The following ELF1 variants were observed in gnomAD, a reference collection of about 807,000 sequenced individuals.
The protein encoded by ELF1 is E74 like ETS transcription factor 1.
ELF1 carries 24 observed loss-of-function variants against 59.9 expected under a neutral mutation model. That is an observed-to-expected ratio of 0.40 (90% confidence interval 0.29 to 0.56). ELF1 has a LOEUF of 0.56. Among genes scored for constraint, ELF1 ranks in the 20% least tolerant of loss-of-function variants. The probability of loss-of-function intolerance (pLI) is 0.44; values close to 1 mark genes in which losing one functional copy is unlikely to be tolerated. For missense variants in ELF1, 627 were observed against 742.2 expected (o/e 0.84, Z 1.80); for synonymous variants, 248 against 266.2 (o/e 0.93, Z 0.67).
At chr13:40,973,237 T>C (rs1396058013) in intron 2 of ELF1, among the ~76,000 whole-genome samples, 1 of 152,208 alleles carries the variant, frequency 6.6e-6, no homozygotes, top group Non-Finnish European at 1.5e-5. Flanking sequence ...TTCAGTACTT[T>C]CAACATCACA....
chr13:41,010,613 G>C (rs1346491031), intron 1 of ELF1, among the ~76,000 whole-genome samples: 1 of 151,766 alleles, frequency 6.6e-6, no homozygotes, highest in African/African-American at 2.4e-5. Flanking sequence ...TTTAAATGGA[G>C]GTTAATTAGT....
At chr13:41,000,687 G>A (rs1342893606) in intron 1 of ELF1, among the ~76,000 whole-genome samples, 1 of 151,882 alleles carries the variant, frequency 6.6e-6, no homozygotes, top group African/African-American at 2.4e-5. Context: ...TCACAATAAG[G>A]TTTATTTATA....
intron 1 of ELF1, chr13:40,992,796 A>G (rs1187488354): frequency 3.4e-5 from 14 of 410,474 alleles, no homozygotes; most frequent in Non-Finnish European, 6.2e-5. Flanking sequence ...GCTGGAGAGA[A>G]CTATACATGT....
At chr13:41,007,818 A>G (rs1874838220) in intron 1 of ELF1, among the ~76,000 whole-genome samples, 1 of 152,210 alleles carries the variant, frequency 6.6e-6, no homozygotes, top group Non-Finnish European at 1.5e-5. Flanking sequence ...TAATCCTCAG[A>G]CCCACAAAGG....
chr13:40,994,730 T>G (rs1874045271), intron 1 of ELF1, among the ~76,000 whole-genome samples: 1 of 152,212 alleles, frequency 6.6e-6, no homozygotes, highest in Non-Finnish European at 1.5e-5. Context: ...ATAAACATGC[T>G]AAAACGTCTT....
chr13:41,047,504 C>A (rs938448157), intron 1 of ELF1, among the ~76,000 whole-genome samples: 1 of 152,196 alleles, frequency 6.6e-6, no homozygotes, highest in Admixed American at 6.5e-5. Flanking sequence ...AGGGTCAGGA[C>A]CCTCAGGCTG....
At chr13:41,031,818 CAAAAAAA>C (rs3072004) in intron 1 of ELF1, among the ~76,000 whole-genome samples, 2 of 82,194 alleles carry the variant, frequency 2.4e-5, no homozygotes, top group African/African-American at 1.0e-4. Context: ...GACTCCGTGT[CAAAAAAA>C]AAAAAAAAAA....
intron 1 of ELF1, among the ~76,000 whole-genome samples, chr13:40,997,548 A>G (rs1874192971): frequency 6.7e-6 from 1 of 149,768 alleles, no homozygotes; most frequent in African/African-American, 2.5e-5. Flanking sequence ...GAGCCACTGC[A>G]CCCGGCCATC....
chr13:40,981,976 C>T lies in ELF1; in HGVS notation c.72+7G>A, dbSNP rs1873297847. 1 of 1,603,196 alleles carries T rather than the reference C, an allele frequency of 6.2e-7. No homozygotes were observed. The highest frequency in any genetic ancestry group is 1.3e-5 in the African/African-American group (1 of 74,426). ...CATTAAAATGAAATTTTCTCTGAAT[C>T]TCATACCTGTCGTTCATCCTCCATG... On this transcript the variant is annotated splice_region_variant and intron_variant, in intron 2 of 8. Coordinates refer to ENST00000239882, the MANE Select transcript of ELF1 (RefSeq NM_172373.4).
At chr13:41,028,133 G>A (rs1275270746) in intron 1 of ELF1, among the ~76,000 whole-genome samples, 1 of 152,160 alleles carries the variant, frequency 6.6e-6, no homozygotes, top group African/African-American at 2.4e-5. Flanking sequence ...CAGAGAGAGA[G>A]GAATACTTCC....
chr13:40,967,373 C>T (rs1054834709), intron 2 of ELF1, among the ~76,000 whole-genome samples: 2 of 152,180 alleles, frequency 1.3e-5, no homozygotes, highest in Admixed American at 6.5e-5. Flanking sequence ...TATCCAGCCT[C>T]TCTAAGCTTT....
chr13:40,941,529 T>C (rs1320512923), intron 7 of ELF1, among the ~76,000 whole-genome samples, 159 bp from the exon 8 acceptor site: 3 of 152,206 alleles, frequency 2.0e-5, no homozygotes, highest in African/African-American at 7.2e-5. Flanking sequence ...GAGATAAACA[T>C]ACATTTATGC....
At chr13:41,050,566 ATTTT>A (rs1001992353) in intron 1 of ELF1, among the ~76,000 whole-genome samples, 12 of 152,192 alleles carry the variant, frequency 7.9e-5, no homozygotes, top group African/African-American at 2.9e-4. Context: ...TTCAAAAAAA[ATTTT>A]TTTTGAGATG....
At chr13:41,024,838 C>T (rs372919889) in intron 1 of ELF1, among the ~76,000 whole-genome samples, 2 of 152,196 alleles carry the variant, frequency 1.3e-5, no homozygotes, top group African/African-American at 4.8e-5. Flanking sequence ...ACTTAAGCTC[C>T]TCCTTTGCTA....
intron 1 of ELF1, among the ~76,000 whole-genome samples, chr13:40,999,102 C>T (rs180916342): frequency 1.3e-5 from 2 of 152,254 alleles, no homozygotes; most frequent in African/African-American, 2.4e-5. Flanking sequence ...TGATGGAGTT[C>T]GTGGTAAAAT....
At chr13:40,959,226 G>C (rs1013920236) in intron 2 of ELF1, among the ~76,000 whole-genome samples, 2 of 152,152 alleles carry the variant, frequency 1.3e-5, no homozygotes, top group African/African-American at 4.8e-5. Flanking sequence ...GCTGGGCGCG[G>C]TGACTCACAC....
At chr13:40,972,351 C>T (rs772620080) in intron 2 of ELF1, among the ~76,000 whole-genome samples, 28 of 152,306 alleles carry the variant, frequency 1.8e-4, no homozygotes, top group African/African-American at 3.6e-4. Flanking sequence ...TGCTCCCTTA[C>T]GGCATAAGTC....
chr13:41,023,104 T>C (rs866741864), upstream of ELF1, among the ~76,000 whole-genome samples: 1 of 152,356 alleles, frequency 6.6e-6, no homozygotes, highest in Middle Eastern at 3.4e-3. Context: ...ACATGTATAT[T>C]TGAACTATTA....
chr13:41,046,286 T>A (rs1188999762), intron 1 of ELF1, among the ~76,000 whole-genome samples: 1 of 152,188 alleles, frequency 6.6e-6, no homozygotes, highest in African/African-American at 2.4e-5. Flanking sequence ...CCATTTACAT[T>A]TAAGGTTAAT....
Sources: gnomAD v4.1 joint callset for allele counts (sites outside exome capture counted in the v4.1 genomes callset) on GRCh38, gnomAD v4.1.1 for gene constraint, MANE v1.5 for transcripts, NCBI Gene and HGNC (gene_info 2026-07-23, HGNC 2026-07-21) for gene names.